Variants in DGKI observed in about 807,000 individuals in gnomAD.
DGKI encodes diacylglycerol kinase iota.
In DGKI, 55 loss-of-function variants were observed where a neutral mutation model predicts 147.5. The observed-to-expected ratio is 0.37, with a 90% CI of 0.30 to 0.47. The LOEUF is 0.47. Ranked by LOEUF, DGKI falls within the 20% of genes least tolerant of loss-of-function variation. The pLI is 1.00. For missense variants in DGKI, 1,007 were observed against 1,323.8 expected, an observed-to-expected ratio of 0.76 and a Z score of 3.71; for synonymous variants, 469 against 477.1, an observed-to-expected ratio of 0.98 and a Z score of 0.22.
intron 5 of DGKI, among the ~76,000 whole-genome samples, chr7:137,647,791 T>C (rs1821881447): frequency 6.6e-6 from 1 of 152,210 alleles, no homozygotes; most frequent in African/African-American, 2.4e-5. Context: ...TGCTTAGGAA[T>C]AAGGGTTAGG....
At chr7:137,452,346 G>A (rs976322287) in intron 27 of DGKI, among the ~76,000 whole-genome samples, 3 of 152,086 alleles carry the variant, frequency 2.0e-5, no homozygotes, top group Non-Finnish European at 2.9e-5. Context: ...TCCAATTCAC[G>A]GGCCTGACTG....
At chr7:137,812,458 C>T (rs1312550213) in intron 1 of DGKI, among the ~76,000 whole-genome samples, 1 of 152,126 alleles carries the variant, frequency 6.6e-6, no homozygotes, top group Non-Finnish European at 1.5e-5. Flanking sequence ...TTTTATATTT[C>T]CCTAGAGTCT....
chr7:137,423,045 T>A (rs540675802), intron 28 of DGKI, among the ~76,000 whole-genome samples: 1 of 152,324 alleles, frequency 6.6e-6, no homozygotes, highest in South Asian at 2.1e-4. Context: ...GAAGTTCTAG[T>A]ACTCTGAAGG....
At chr7:137,748,514 T>A (rs912708982) in intron 1 of DGKI, among the ~76,000 whole-genome samples, 1 of 152,122 alleles carries the variant, frequency 6.6e-6, no homozygotes, top group Admixed American at 6.6e-5. Context: ...TACAACTATT[T>A]ATTGAGTCCC....
At chr7:137,749,303 C>T (rs1795431292) in intron 1 of DGKI, among the ~76,000 whole-genome samples, 1 of 152,172 alleles carries the variant, frequency 6.6e-6, no homozygotes, top group Non-Finnish European at 1.5e-5. Flanking sequence ...AGGAGCCCCC[C>T]AGACCTCCCT....
chr7:137,484,476 G>A (rs1815483110), intron 23 of DGKI, among the ~76,000 whole-genome samples: 1 of 150,890 alleles, frequency 6.6e-6, no homozygotes, highest in African/African-American at 2.5e-5. Flanking sequence ...TTGGCATGCT[G>A]TGATTCCCAC....
intron 28 of DGKI, among the ~76,000 whole-genome samples, chr7:137,426,897 A>T (rs996716064): frequency 2.6e-5 from 4 of 151,996 alleles, no homozygotes; most frequent in Non-Finnish European, 5.9e-5. Context: ...CAGATTCATA[A>T]AGCAAGTCCT....
intron 3 of DGKI, among the ~76,000 whole-genome samples, chr7:137,664,377 C>CAAAAA (rs1190186766): frequency 1.3e-3 from 71 of 55,534 alleles, no homozygotes; most frequent in Non-Finnish European, 1.6e-3. Context: ...GACTCCATCT[C>CAAAAA]AAAAAAAAAA....
chr7:137,759,531 G>A (rs962256816), intron 1 of DGKI, among the ~76,000 whole-genome samples: 10 of 151,778 alleles, frequency 6.6e-5, no homozygotes, highest in African/African-American at 2.4e-4. Context: ...TAGTAGAGAC[G>A]GGGTTTCACC....
At chr7:137,516,488 A>G (rs769302528) in intron 21 of DGKI, among the ~76,000 whole-genome samples, 2 of 152,050 alleles carry the variant, frequency 1.3e-5, no homozygotes, top group African/African-American at 2.4e-5. Flanking sequence ...TATTTAAATG[A>G]CGTTTGCTAG....
chr7:137,425,145 C>G (rs1812742959), intron 28 of DGKI, among the ~76,000 whole-genome samples: 1 of 152,182 alleles, frequency 6.6e-6, no homozygotes, highest in Non-Finnish European at 1.5e-5. Flanking sequence ...TGGGAGGCAC[C>G]CCCCAGTAGG....
intron 1 of DGKI, among the ~76,000 whole-genome samples, chr7:137,787,646 A>G (rs1332757670): frequency 1.3e-5 from 2 of 152,176 alleles, no homozygotes; most frequent in African/African-American, 2.4e-5. Context: ...TATATGAAAA[A>G]GATACTTGCA....
intron 1 of DGKI, among the ~76,000 whole-genome samples, chr7:137,778,830 G>A (rs761116799): frequency 2.7e-4 from 41 of 152,046 alleles, no homozygotes; most frequent in Admixed American, 6.6e-4. Flanking sequence ...AAAGTTAGGG[G>A]GAATATGTTA....
intron 27 of DGKI, among the ~76,000 whole-genome samples, chr7:137,455,680 C>T (rs1814171717): frequency 6.7e-6 from 1 of 148,518 alleles, no homozygotes; most frequent in Admixed American, 6.7e-5. Context: ...TCCCTGAATT[C>T]CAAATAAGTA....
intron 1 of DGKI, among the ~76,000 whole-genome samples, chr7:137,831,995 C>T (rs1488638133): frequency 6.6e-6 from 1 of 152,228 alleles, no homozygotes; most frequent in Non-Finnish European, 1.5e-5. Flanking sequence ...TTAAAATGAT[C>T]AACTTTGACT....
intron 1 of DGKI, among the ~76,000 whole-genome samples, chr7:137,751,982 A>C (rs1301361523): frequency 6.6e-6 from 1 of 152,230 alleles, no homozygotes; most frequent in Non-Finnish European, 1.5e-5. Flanking sequence ...CAATTATTTA[A>C]ATGTATTTAA....
At chr7:137,630,578 C>G (rs1168299407) in intron 6 of DGKI, among the ~76,000 whole-genome samples, 1 of 152,114 alleles carries the variant, frequency 6.6e-6, no homozygotes, top group Non-Finnish European at 1.5e-5. Flanking sequence ...GAAGCAGATG[C>G]CTTCGTGGAA....
intron 12 of DGKI, among the ~76,000 whole-genome samples, chr7:137,595,574 T>C (rs1264606203): frequency 6.6e-6 from 1 of 152,176 alleles, no homozygotes; most frequent in East Asian, 1.9e-4. Context: ...ATTTCACAAG[T>C]GTGTGGACTT....
chr7:137,779,411 CT>C (rs1376837390), intron 1 of DGKI, among the ~76,000 whole-genome samples: 1 of 152,090 alleles, frequency 6.6e-6, no homozygotes, highest in Non-Finnish European at 1.5e-5. Flanking sequence ...AGAAGAAGAT[CT>C]TCATGACTTG....
Sources: allele counts gnomAD v4.1 joint callset (sites outside exome capture counted in the v4.1 genomes callset), GRCh38; gene constraint gnomAD v4.1.1; transcripts MANE v1.5; gene names NCBI Gene and HGNC (gene_info 2026-07-23, HGNC 2026-07-21).